Variants in DCHS2 observed in about 807,000 individuals in gnomAD.
DCHS2 encodes the protein protocadherin-23.
A neutral mutation model predicts 182.4 loss-of-function variants in DCHS2; 142 were observed. That is an observed-to-expected ratio of 0.78 (90% CI 0.68 to 0.89). The LOEUF (loss-of-function observed/expected upper bound fraction) is 0.89, where lower values mean the gene tolerates loss of function less well. Ranked by LOEUF, DCHS2 falls within the 40% of genes least tolerant of loss-of-function variation. The pLI is 0.00. For missense variants in DCHS2, 4,319 were observed against 4,198.6 expected (o/e 1.03, Z -0.79); for synonymous variants, 1,740 against 1,663.3 (o/e 1.05, Z -1.12).
At chr4:154,295,012 C>A (rs1224873711) in intron 13 of DCHS2, among the ~76,000 whole-genome samples, 2 of 152,296 alleles carry the variant, frequency 1.3e-5, no homozygotes, top group South Asian at 2.1e-4. Flanking sequence ...CTACTGTAAT[C>A]CACATAACAA....
At chr4:154,343,364 C>T in intron 3 of DCHS2, 2 of 1,126,680 alleles carry the variant, frequency 1.8e-6, no homozygotes, top group East Asian at 5.9e-5. Flanking sequence ...GTTCTGAAGC[C>T]AGGCATTGAC....
intron 14 of DCHS2, among the ~76,000 whole-genome samples, chr4:154,264,577 C>G (rs1728180324): frequency 6.6e-6 from 1 of 152,122 alleles, no homozygotes; most frequent in Non-Finnish European, 1.5e-5. Context: ...GCGTTTAGAT[C>G]AACAGCTAGC....
At chr4:154,394,752 C>T (rs1017874184) in intron 1 of DCHS2, among the ~76,000 whole-genome samples, 5 of 152,156 alleles carry the variant, frequency 3.3e-5, no homozygotes, top group African/African-American at 9.6e-5. Context: ...ATGACAATAT[C>T]CACAGATAGA....
chr4:154,315,130 C>T (rs1735807028), intron 10 of DCHS2, among the ~76,000 whole-genome samples: 1 of 152,100 alleles, frequency 6.6e-6, no homozygotes, highest in Non-Finnish European at 1.5e-5. Flanking sequence ...AAAATAGTAA[C>T]AAAGTTAACA....
At chr4:154,428,613 A>G (rs761675805) in intron 1 of DCHS2, among the ~76,000 whole-genome samples, 13 of 152,206 alleles carry the variant, frequency 8.5e-5, no homozygotes, top group Middle Eastern at 3.4e-3. Flanking sequence ...GTTGAGGCCA[A>G]TGAAAATGAA....
At chr4:154,456,062 C>G (rs1042760930) in intron 1 of DCHS2, among the ~76,000 whole-genome samples, 4 of 151,878 alleles carry the variant, frequency 2.6e-5, no homozygotes, top group African/African-American at 7.3e-5. Context: ...TTCACTCCAG[C>G]CTGGGCAACA....
chr4:154,253,161 GGT>G (rs1359771119), intron 16 of DCHS2, among the ~76,000 whole-genome samples: 2 of 150,616 alleles, frequency 1.3e-5, no homozygotes, highest in African/African-American at 5.0e-5. Flanking sequence ...TCCTTGCCTT[GGT>G]GATGCTGGAG....
intron 3 of DCHS2, among the ~76,000 whole-genome samples, chr4:154,364,620 C>A (rs1730266099): frequency 6.6e-6 from 1 of 152,200 alleles, no homozygotes; most frequent in African/African-American, 2.4e-5. Context: ...AACAACTAAT[C>A]CCTGGCCAGT....
At chr4:154,348,932 T>G (rs1729480003) in intron 3 of DCHS2, among the ~76,000 whole-genome samples, 2 of 151,974 alleles carry the variant, frequency 1.3e-5, no homozygotes, top group South Asian at 4.1e-4. Flanking sequence ...ACATTTTGGT[T>G]GTCACTTTCT....
At chr4:154,316,254 A>G (rs1735852188) in intron 9 of DCHS2, among the ~76,000 whole-genome samples, 1 of 152,194 alleles carries the variant, frequency 6.6e-6, no homozygotes, top group Admixed American at 6.6e-5. Flanking sequence ...TACTGAGAGG[A>G]TTACATTAAA....
chr4:154,266,336 TG>T (rs1258198344), intron 14 of DCHS2, among the ~76,000 whole-genome samples: 29 of 152,070 alleles, frequency 1.9e-4, no homozygotes, highest in Middle Eastern at 3.4e-3. Context: ...TTTTTTTTGT[TG>T]TTTGTTTGTT....
intron 3 of DCHS2, among the ~76,000 whole-genome samples, chr4:154,350,840 C>A (rs1729575996): frequency 6.6e-6 from 1 of 151,828 alleles, no homozygotes; most frequent in Non-Finnish European, 1.5e-5. Context: ...TATTTTTGAC[C>A]TTTATTTTCA....
At chr4:154,302,500 C>T (rs1735227861) in intron 12 of DCHS2, among the ~76,000 whole-genome samples, 2 of 152,152 alleles carry the variant, frequency 1.3e-5, no homozygotes, top group South Asian at 4.1e-4. Context: ...GTTTAGCAGA[C>T]AACCCTGCCT....
chr4:154,335,238 C>A, intron 3 of DCHS2, 134 bp from the exon 4 acceptor site: 1 of 665,914 alleles, frequency 1.5e-6, no homozygotes, highest in East Asian at 2.6e-5. Flanking sequence ...GATGTCCAGG[C>A]ATTTGATCAA....
rs575678662 is a variant in DCHS2 at position 154,469,830 on chromosome 4, G to T, written c.2052+19474C>A. Reference sequence around the variant, plus strand: ...CAGTTCTCAACTGTAACATCATCCTGTTAGACAAACCTTTCCTTCCTACTC... The same window carrying T: ...CAGTTCTCAACTGTAACATCATCCTTTTAGACAAACCTTTCCTTCCTACTC... On this transcript the variant is annotated intron_variant, in intron 1 of 19. Coordinates refer to ENST00000357232, the MANE Select transcript of DCHS2 (RefSeq NM_001358235.2). Among the ~76,000 whole-genome samples the T allele has an allele frequency of 1.1e-3, 168 of 152,284 alleles. 1 individual carries two copies. The highest frequency in any genetic ancestry group is 3.8e-3 in the African/African-American group (160 of 41,568).
chr4:154,268,239 C>CCA lies in DCHS2; in HGVS notation c.6577+1660_6577+1661insTG, dbSNP rs1554000254. ...CTTTCACCTTTCACTTTCCCCCCCC[C>CCA]AAAAAAATAACGCTTTACCACTTCT... On this transcript the variant is annotated intron_variant, in intron 14 of 19. Transcript: ENST00000357232. Among the ~76,000 whole-genome samples the CCA allele has an allele frequency of 7.7e-3, 1,143 of 148,516 alleles. 6 individuals are homozygous for CCA. The highest frequency in any genetic ancestry group is 0.024 in the African/African-American group (956 of 39,814).
chr4:154,453,850 A>G (rs1409795736), intron 1 of DCHS2, among the ~76,000 whole-genome samples: 3 of 152,186 alleles, frequency 2.0e-5, no homozygotes, highest in Non-Finnish European at 2.9e-5. Flanking sequence ...AATAATCAAT[A>G]GTGCTATTTT....
At chr4:154,261,342 C>A (rs1334646067) in intron 14 of DCHS2, among the ~76,000 whole-genome samples, 1 of 152,108 alleles carries the variant, frequency 6.6e-6, no homozygotes, top group African/African-American at 2.4e-5. Context: ...CATGTAGATT[C>A]CACGATGTGT....
Position 154,232,278 on chromosome 4 carries a change from CACTT to C in DCHS2, c.*2254_*2257del, listed in dbSNP as rs1484191869. 6.6e-6 allele frequency: 1 copy of C among 152,120 alleles called. No homozygotes were observed. The highest frequency in any genetic ancestry group is 1.5e-5 in the Non-Finnish European group (1 of 68,016). 9.4% of individuals were successfully genotyped at this position (152,120 alleles called of 1,614,324 possible). A position where few individuals can be genotyped will look rare whatever the true frequency, so the allele number is the denominator to read the frequency against. On this transcript the variant is annotated 3_prime_UTR_variant, in exon 20 of 20. Transcript: ENST00000357232. ...GAGCTGACATACGATTTATTGCAAACACTTAACCAGCGTGTTCACATTTTTAACC... is the reference window on the plus strand; with the variant it reads ...GAGCTGACATACGATTTATTGCAAACAACCAGCGTGTTCACATTTTTAACC...
Sources: allele counts gnomAD v4.1 joint callset (sites outside exome capture counted in the v4.1 genomes callset), GRCh38; gene constraint gnomAD v4.1.1; transcripts MANE v1.5; gene names NCBI Gene and HGNC (gene_info 2026-07-23, HGNC 2026-07-21).